Variants in HMGXB4 observed in about 807,000 individuals in gnomAD.
HMGXB4 encodes HMG domain-containing protein 4.
A neutral mutation model predicts 63.9 loss-of-function variants in HMGXB4; 27 were observed. The observed-to-expected ratio is 0.42, with a 90% CI of 0.31 to 0.58. The LOEUF is 0.58. HMGXB4 is among the 20% of genes least tolerant of loss of function. The pLI is 0.13. For missense variants in HMGXB4, 624 were observed against 700.7 expected (o/e 0.89, Z 1.24); for synonymous variants, 264 against 265.3 (o/e 0.99, Z 0.05).
upstream of HMGXB4, among the ~76,000 whole-genome samples, chr22:35,253,616 C>CGCGT (rs1555886297): frequency 1.3e-3 from 139 of 106,534 alleles, no homozygotes; most frequent in South Asian, 0.021. Flanking sequence ...CGCGCGCGCG[C>CGCGT]GTGTGTGTGT....
At chr22:35,282,895 A>T (rs16995556) in intron 5 of HMGXB4, among the ~76,000 whole-genome samples, 2,847 of 152,360 alleles carry the variant, frequency 0.019, 87 homozygotes, top group African/African-American at 0.064. Flanking sequence ...ACCACGTATA[A>T]TTGTGAAATG....
At chr22:35,267,710 A>T (rs1422630204) in intron 5 of HMGXB4, among the ~76,000 whole-genome samples, 2 of 152,150 alleles carry the variant, frequency 1.3e-5, no homozygotes, top group Admixed American at 6.5e-5. Flanking sequence ...ACATTTTATT[A>T]TGAAATTTTT....
At chr22:35,272,130 C>T (rs1194490258) in intron 5 of HMGXB4, among the ~76,000 whole-genome samples, 2 of 152,076 alleles carry the variant, frequency 1.3e-5, no homozygotes, top group East Asian at 3.9e-4. Flanking sequence ...TTTTGTAGAA[C>T]ACTTATACAG....
intron 5 of HMGXB4, among the ~76,000 whole-genome samples, chr22:35,272,263 C>T (rs973646206): frequency 4.6e-5 from 7 of 151,998 alleles, no homozygotes; most frequent in Admixed American, 3.3e-4. Context: ...AGTTCAAGTG[C>T]AGTAGGTAGG....
At chr22:35,244,321 T>C in the HMGXB4 span, among the ~76,000 whole-genome samples, 7 of 148,582 alleles carry the variant, frequency 4.7e-5, no homozygotes, top group East Asian at 1.4e-3. Context: ...TGAGACGGAG[T>C]CTTGCTCTGT....
chr22:35,256,449 A>G (rs1601618704), upstream of HMGXB4, among the ~76,000 whole-genome samples: 1 of 152,148 alleles, frequency 6.6e-6, no homozygotes, highest in Non-Finnish European at 1.5e-5. Flanking sequence ...ACTACTCACA[A>G]GGAAGCCCAT....
At chr22:35,259,097 C>G (rs1409285079) in intron 1 of HMGXB4, among the ~76,000 whole-genome samples, 3 of 152,254 alleles carry the variant, frequency 2.0e-5, no homozygotes. Context: ...CTGAACATAA[C>G]TTGTATGCTT....
At chr22:35,275,189 A>T (rs1923840069) in intron 5 of HMGXB4, among the ~76,000 whole-genome samples, 1 of 137,024 alleles carries the variant, frequency 7.3e-6, no homozygotes. Context: ...GTGCGATCTC[A>T]GCTCACTACA....
chr22:35,273,010 T>C (rs986006831), intron 5 of HMGXB4, among the ~76,000 whole-genome samples: 1 of 152,220 alleles, frequency 6.6e-6, no homozygotes, highest in Middle Eastern at 3.2e-3. Flanking sequence ...TTCCAAAATA[T>C]GCACATTTTC....
At position 35,293,897 on chromosome 22, in the gene HMGXB4, ATTC is replaced by A. The variant is rs1228622613; in HGVS notation, c.*249_*251del. On this transcript the variant is annotated 3_prime_UTR_variant, in exon 11 of 11. Transcript: ENST00000216106. ...ATTTTGGCATGAATACAGGCTTGGG[ATTC>A]TTTTTTCTCCTGTGGTGGATAAATC... 3.7e-6 allele frequency: 1 copy of A among 268,922 alleles called. No homozygotes were observed. Among genetic ancestry groups the A allele is most frequent in the Non-Finnish European group, 6.8e-6 (1 of 146,764 alleles). The allele number at this position is 268,922 out of a possible 1,614,324, so 16.7% of individuals were successfully genotyped here.
chr22:35,255,369 C>T (rs931420163), upstream of HMGXB4, among the ~76,000 whole-genome samples: 1 of 151,684 alleles, frequency 6.6e-6, no homozygotes, highest in Non-Finnish European at 1.5e-5. Context: ...ACAAAAAGTA[C>T]CTGGGCATGG....
chr22:35,248,507 A>G, the HMGXB4 span, among the ~76,000 whole-genome samples: 20 of 151,360 alleles, frequency 1.3e-4, no homozygotes, highest in African/African-American at 3.4e-4. Context: ...CCCAGGTTCA[A>G]GTGATTCTCC....
the HMGXB4 span, among the ~76,000 whole-genome samples, chr22:35,247,453 G>A: frequency 6.6e-6 from 1 of 152,196 alleles, no homozygotes; most frequent in African/African-American, 2.4e-5. Flanking sequence ...ATTTGCTGAA[G>A]ATGCAAGAGG....
chr22:35,288,514 C>A, intron 9 of HMGXB4, 107 bp downstream of exon 9: 1 of 762,128 alleles, frequency 1.3e-6, no homozygotes, highest in Non-Finnish European at 1.9e-6. Flanking sequence ...CTACTTTATG[C>A]TAAATTATGC....
At position 35,268,377 on chromosome 22, in the gene HMGXB4, C is replaced by G. The variant is rs1923398553; in HGVS notation, c.1215+2774C>G. On this transcript the variant is annotated intron_variant, in intron 5 of 10. Coordinates refer to ENST00000216106, the MANE Select transcript of HMGXB4 (RefSeq NM_001003681.3). ...GATAGTCTTCCTCCTTAATATCTTT[C>G]AAGCCTTTAGCTCCTCCATTACCAT... Among the ~76,000 whole-genome samples the G allele has an allele frequency of 2.0e-5, 3 of 152,208 alleles. No homozygotes were observed. The South Asian group carries it at 6.2e-4, about 31-fold the overall frequency.
intron 3 of HMGXB4, 127 bp downstream of exon 3, chr22:35,263,353 T>G: frequency 4.1e-6 from 3 of 723,860 alleles, no homozygotes; most frequent in East Asian, 2.7e-5. Context: ...GCACAATCTC[T>G]GCTCACTGCA....
the HMGXB4 span, among the ~76,000 whole-genome samples, chr22:35,249,247 C>T: frequency 1.1e-5 from 1 of 89,450 alleles, no homozygotes. Flanking sequence ...TTAGTAGAAA[C>T]GGGATTTCAC....
At chr22:35,268,434 A>G (rs138538007) in intron 5 of HMGXB4, among the ~76,000 whole-genome samples, 2 of 151,914 alleles carry the variant, frequency 1.3e-5, no homozygotes, top group East Asian at 1.9e-4. Flanking sequence ...TCCCTTCTAC[A>G]CTTACTGTAA....
chr22:35,265,924 C>T (rs1432376724), intron 5 of HMGXB4, among the ~76,000 whole-genome samples: 3 of 151,556 alleles, frequency 2.0e-5, no homozygotes, highest in African/African-American at 4.8e-5. Flanking sequence ...TACAGGCACC[C>T]GCCACCACAC....
Sources: gnomAD v4.1 joint callset for allele counts (sites outside exome capture counted in the v4.1 genomes callset) on GRCh38, gnomAD v4.1.1 for gene constraint, MANE v1.5 for transcripts, NCBI Gene and HGNC (gene_info 2026-07-23, HGNC 2026-07-21) for gene names.